COL24A1: variants seen among roughly 807,000 people sequenced by gnomAD.
The protein encoded by COL24A1 is collagen type XXIV alpha 1 chain, also known as collagen alpha-1(XXIV) chain.
Under a neutral mutation model 253.9 loss-of-function variants are expected in COL24A1, and 224 were observed. That is an observed-to-expected ratio of 0.88 (90% confidence interval 0.79 to 0.99). The LOEUF (loss-of-function observed/expected upper bound fraction) is 0.99, where lower values mean the gene tolerates loss of function less well. Ranked by LOEUF, COL24A1 falls within the 50% of genes least tolerant of loss-of-function variation. The probability of loss-of-function intolerance (pLI) is 0.00; values close to 1 mark genes in which losing one functional copy is unlikely to be tolerated. For missense variants in COL24A1, 2,131 were observed against 2,068.5 expected, an observed-to-expected ratio of 1.03 and a Z score of -0.59; for synonymous variants, 685 against 673.7, an observed-to-expected ratio of 1.02 and a Z score of -0.26.
intron 7 of COL24A1, among the ~76,000 whole-genome samples, chr1:86,088,929 A>T (rs1434093185): frequency 6.6e-6 from 1 of 152,104 alleles, no homozygotes; most frequent in African/African-American, 2.4e-5. Context: ...TTTATTTTTC[A>T]TAAGATTCTG....
chr1:85,969,984 C>T (rs1042127694), intron 22 of COL24A1, among the ~76,000 whole-genome samples: 5 of 151,958 alleles, frequency 3.3e-5, no homozygotes, highest in African/African-American at 1.2e-4. Context: ...AAATAATTTG[C>T]ACAAATTACT....
Position 86,125,163 on chromosome 1 carries a change from C to T in COL24A1, c.1173G>A (p.Lys391=), listed in dbSNP as rs770438065. 3 of 1,613,412 alleles carry T rather than the reference C, an allele frequency of 1.9e-6. No individual in the cohort carries two copies. The highest frequency in any genetic ancestry group is 1.7e-5 in the Admixed American group (1 of 59,854). Residue 391 remains lysine (K), a synonymous_variant, in exon 3 of 60, where the codon AAG becomes AAA. Transcript: ENST00000370571. ...DDRVTGLSLF[K]KMPSILPQIK... ...TTTGTGGAAGAATAGATGGCATCTT[C>T]TTAAACAGTGACAGACCAGTTACTC... is the stretch of plus-strand genomic sequence containing the variant.
At chr1:85,765,454 T>G (rs1339524105) in intron 53 of COL24A1, among the ~76,000 whole-genome samples, 1 of 151,496 alleles carries the variant, frequency 6.6e-6, no homozygotes, top group Admixed American at 6.6e-5. Flanking sequence ...CCTGTAATTC[T>G]GGGGCTTTGG....
At chr1:85,989,601 GCCTCAGAATAGAAT>G (rs1694052870) in intron 19 of COL24A1, among the ~76,000 whole-genome samples, 1 of 152,000 alleles carries the variant, frequency 6.6e-6, no homozygotes, top group Non-Finnish European at 1.5e-5. Flanking sequence ...TTTGTTACTG[GCCTCAGAATAGAAT>G]CCAAATTCTT....
chr1:85,987,911 A>C (rs1373459550), intron 19 of COL24A1, among the ~76,000 whole-genome samples: 1 of 151,950 alleles, frequency 6.6e-6, no homozygotes, highest in Non-Finnish European at 1.5e-5. Context: ...AGAGAGTAGA[A>C]GTCTCAGTCC....
rs200048824 is a variant in COL24A1, at chr1:85,917,117, A to G, written c.2563-5684T>C. On this transcript the variant is annotated intron_variant, in intron 24 of 59. Transcript: ENST00000370571. ...CAGCTAAAATTAATAGACCAGATCT[A>G]TATGTATCAACATGGATAAACATTT... 2.0e-4 allele frequency among the ~76,000 whole-genome samples: 30 copies of G among 152,326 alleles called. No homozygotes were observed. The East Asian group carries it at 5.8e-3, about 29-fold the overall frequency.
intron 45 of COL24A1, among the ~76,000 whole-genome samples, chr1:85,819,791 G>C (rs1673418683): frequency 6.6e-6 from 1 of 151,806 alleles, no homozygotes; most frequent in Non-Finnish European, 1.5e-5. Flanking sequence ...GACACTGACG[G>C]CAATCTCTGA....
At chr1:85,881,395 G>A (rs1399170450) in intron 32 of COL24A1, among the ~76,000 whole-genome samples, 15 of 151,774 alleles carry the variant, frequency 9.9e-5, no homozygotes, top group Admixed American at 7.9e-4. Context: ...GAGGCGGGCC[G>A]ATCACGAGGT....
At chr1:86,073,155 G>T (rs1182098800) in intron 7 of COL24A1, among the ~76,000 whole-genome samples, 1 of 152,126 alleles carries the variant, frequency 6.6e-6, no homozygotes, top group Admixed American at 6.5e-5. Context: ...GGCTTCAGAA[G>T]GTGGGTAATA....
chr1:86,122,474 T>C (rs1647519281), intron 3 of COL24A1, among the ~76,000 whole-genome samples: 1 of 151,978 alleles, frequency 6.6e-6, no homozygotes, highest in Admixed American at 6.6e-5. Context: ...CAAATCTATA[T>C]CCCCAGCCTT....
chr1:85,905,724 T>A (rs547674162), intron 28 of COL24A1, among the ~76,000 whole-genome samples: 1 of 152,120 alleles, frequency 6.6e-6, no homozygotes, highest in East Asian at 1.9e-4. Flanking sequence ...AGTAATAGGA[T>A]CATGGTGAAG....
chr1:85,821,278 A>G (rs1170158613), intron 45 of COL24A1, among the ~76,000 whole-genome samples: 1 of 152,186 alleles, frequency 6.6e-6, no homozygotes, highest in East Asian at 1.9e-4. Flanking sequence ...TTGGTTGGTT[A>G]GGTTAAATTA....
At chr1:85,991,515 C>T (rs1387997884) in intron 19 of COL24A1, among the ~76,000 whole-genome samples, 1 of 152,088 alleles carries the variant, frequency 6.6e-6, no homozygotes, top group Non-Finnish European at 1.5e-5. Context: ...TTAGTCTTGA[C>T]CTGTGTGGTA....
At chr1:85,832,141 A>G (rs965191034) in intron 43 of COL24A1, among the ~76,000 whole-genome samples, 11 of 152,042 alleles carry the variant, frequency 7.2e-5, no homozygotes, top group Non-Finnish European at 1.2e-4. Context: ...AGCTTTCTAC[A>G]TATGGCTAGC....
intron 21 of COL24A1, among the ~76,000 whole-genome samples, 199 bp downstream of exon 21, chr1:85,971,141 C>G (rs1478219853): frequency 6.6e-6 from 1 of 151,918 alleles, no homozygotes; most frequent in Non-Finnish European, 1.5e-5. Flanking sequence ...CCCAGGAGGT[C>G]GAGGCTGCAG....
At chr1:85,958,104 G>T (rs1373166042) in intron 24 of COL24A1, among the ~76,000 whole-genome samples, 2 of 151,540 alleles carry the variant, frequency 1.3e-5, no homozygotes, top group Non-Finnish European at 2.9e-5. Context: ...ATCCTCATAA[G>T]AAAATCTATA....
At chr1:86,121,209 G>T (rs186458869) in intron 3 of COL24A1, among the ~76,000 whole-genome samples, 3 of 152,240 alleles carry the variant, frequency 2.0e-5, no homozygotes, top group Non-Finnish European at 4.4e-5. Flanking sequence ...GTTAATGGGT[G>T]CAGCAAACCA....
At chr1:85,872,569 C>G (rs1023615881) in intron 35 of COL24A1, among the ~76,000 whole-genome samples, 7 of 151,898 alleles carry the variant, frequency 4.6e-5, no homozygotes, top group African/African-American at 7.3e-5. Flanking sequence ...ACAAACCTGA[C>G]AAAAACAAGA....
At chr1:85,837,013 T>C (rs140450977) in intron 43 of COL24A1, among the ~76,000 whole-genome samples, 3 of 152,248 alleles carry the variant, frequency 2.0e-5, no homozygotes, top group African/African-American at 7.2e-5. Context: ...GAGGCCAAAA[T>C]GAGATATTGC....
Sources: allele counts gnomAD v4.1 joint callset (sites outside exome capture counted in the v4.1 genomes callset), GRCh38; gene constraint gnomAD v4.1.1; transcripts MANE v1.5; gene names NCBI Gene and HGNC (gene_info 2026-07-23, HGNC 2026-07-21).